Variants in RORA observed in about 807,000 individuals in gnomAD.
The protein encoded by RORA is nuclear receptor ROR-alpha.
RORA carries 7 observed loss-of-function variants against 69.5 expected under a neutral mutation model. The ratio of observed to expected loss-of-function variants is 0.10; its 90% confidence interval spans 0.06 to 0.19. RORA has a LOEUF of 0.19. Ranked by LOEUF, RORA falls within the 10% of genes least tolerant of loss-of-function variation. The probability of loss-of-function intolerance (pLI) is 1.00; values close to 1 mark genes in which losing one functional copy is unlikely to be tolerated. For missense variants in RORA, 457 were observed against 663.0 expected, an observed-to-expected ratio of 0.69 and a Z score of 3.41; for synonymous variants, 261 against 240.8, an observed-to-expected ratio of 1.08 and a Z score of -0.78.
intron 1 of RORA, among the ~76,000 whole-genome samples, chr15:61,175,535 T>C (rs12914754): frequency 0.51 from 72,752 of 143,178 alleles, 19,460 homozygotes; most frequent in Non-Finnish European, 0.6. Context: ...AGTGAGATCC[T>C]GTTTCTAAAA....
At chr15:60,630,884 C>CTTTTT (rs1596080115) in intron 2 of RORA, among the ~76,000 whole-genome samples, 1 of 70,202 alleles carries the variant, frequency 1.4e-5, no homozygotes, top group Non-Finnish European at 2.6e-5. Flanking sequence ...CAGGATGAGA[C>CTTTTT]TTTCTTTTTT....
At chr15:60,982,640 GGGTTGTTATTTCAA>G (rs1406439236) in intron 1 of RORA, among the ~76,000 whole-genome samples, 1 of 152,138 alleles carries the variant, frequency 6.6e-6, no homozygotes, top group Non-Finnish European at 1.5e-5. Context: ...CTGGGAATGT[GGGTTGTTATTTCAA>G]GGCTGCTGCT....
chr15:60,827,193 A>C (rs1443856528), intron 1 of RORA, among the ~76,000 whole-genome samples: 1 of 152,200 alleles, frequency 6.6e-6, no homozygotes, highest in Non-Finnish European at 1.5e-5. Context: ...TATGGGGAGA[A>C]ATTCTTTTTT....
intron 1 of RORA, among the ~76,000 whole-genome samples, chr15:61,115,680 C>T (rs1460723655): frequency 6.6e-6 from 1 of 152,150 alleles, no homozygotes; most frequent in Non-Finnish European, 1.5e-5. Context: ...GGGACTCAAG[C>T]TGTCTCCAAA....
intron 1 of RORA, among the ~76,000 whole-genome samples, chr15:61,120,700 CAA>C (rs527369711): frequency 2.6e-4 from 14 of 54,378 alleles, no homozygotes; most frequent in Admixed American, 6.0e-4. Context: ...GACTCTGTCT[CAA>C]AAAAAAAAAA....
intron 2 of RORA, among the ~76,000 whole-genome samples, chr15:60,667,203 GT>G: frequency 6.6e-6 from 1 of 152,258 alleles, no homozygotes; most frequent in East Asian, 1.9e-4. Context: ...CCCTCTTACT[GT>G]TGGTGTTCTG....
intron 1 of RORA, among the ~76,000 whole-genome samples, chr15:61,132,247 A>G (rs989359820): frequency 6.6e-6 from 1 of 152,200 alleles, no homozygotes; most frequent in African/African-American, 2.4e-5. Flanking sequence ...ATTAAATGCT[A>G]GCATATATAC....
intron 1 of RORA, among the ~76,000 whole-genome samples, chr15:60,825,390 A>T (rs1195811490): frequency 6.6e-6 from 1 of 152,260 alleles, no homozygotes; most frequent in Non-Finnish European, 1.5e-5. Flanking sequence ...TCACTGTGAC[A>T]TTAATAACTA....
chr15:60,577,154 T>C (rs181117436), intron 2 of RORA, among the ~76,000 whole-genome samples: 4 of 152,358 alleles, frequency 2.6e-5, no homozygotes. Flanking sequence ...ATTACAAAAT[T>C]TGCTCTTGAA....
intron 1 of RORA, among the ~76,000 whole-genome samples, chr15:60,820,166 G>T (rs984812150): frequency 6.6e-6 from 1 of 152,262 alleles, no homozygotes; most frequent in African/African-American, 2.4e-5. Context: ...TCAGGACGCT[G>T]CACTCCACCT....
Position 60,531,467 on chromosome 15 carries a change from T to C in RORA, c.282+299A>G. On this transcript the variant is annotated intron_variant, in intron 3 of 10. Transcript: ENST00000335670. This position sits in a 1 kb window ranked among gnomAD's most constrained non-coding sequence, Gnocchi z 4.8. ...GACATTGTAGAAGTCTGGAGTTAGCTCTTTTTTAAAAAAGATTGCCACAGA... is the reference window on the plus strand; with the variant it reads ...GACATTGTAGAAGTCTGGAGTTAGCCCTTTTTTAAAAAAGATTGCCACAGA... 3.4e-6 allele frequency: 1 copy of C among 293,668 alleles called. No homozygotes were observed. The highest frequency in any genetic ancestry group is 6.2e-6 in the Non-Finnish European group (1 of 161,792). The allele number at this position is 293,668 out of a possible 1,614,324, so 18.2% of individuals were successfully genotyped here.
At chr15:60,598,485 A>G (rs1004675984) in intron 2 of RORA, 2 of 152,240 alleles carry the variant, frequency 1.3e-5, no homozygotes, top group Non-Finnish European at 2.9e-5. Flanking sequence ...GAAGACCTTT[A>G]TGACAATCCA....
At chr15:60,952,139 C>T (rs1221125858) in intron 1 of RORA, among the ~76,000 whole-genome samples, 17 of 150,888 alleles carry the variant, frequency 1.1e-4, no homozygotes, top group South Asian at 4.2e-4. Context: ...GTTCAATATA[C>T]GCAAATCAAT....
intron 1 of RORA, among the ~76,000 whole-genome samples, chr15:60,943,240 G>C (rs935324003): frequency 6.6e-6 from 1 of 152,126 alleles, no homozygotes; most frequent in Non-Finnish European, 1.5e-5. Context: ...AGACTGCCAG[G>C]TTCTGCAGGA....
intron 1 of RORA, among the ~76,000 whole-genome samples, chr15:60,962,812 CT>C (rs2140344436): frequency 6.6e-6 from 1 of 152,298 alleles, no homozygotes; most frequent in East Asian, 1.9e-4. Flanking sequence ...AAACACAAGC[CT>C]TGCTCAGAAG....
Position 60,768,149 on chromosome 15 carries a change from C to T in RORA, c.167-89463G>A, listed in dbSNP as rs1234953548. ...TTCTCATCCCCCATCATGACACCCTCGCTTATCCTCCAAACTTTTTGCTTA... is the reference window on the plus strand; with the variant it reads ...TTCTCATCCCCCATCATGACACCCTTGCTTATCCTCCAAACTTTTTGCTTA... On this transcript the variant is annotated intron_variant, in intron 1 of 10. Coordinates refer to ENST00000335670, the MANE Select transcript of RORA (RefSeq NM_134261.3). Among the ~76,000 whole-genome samples the T allele has an allele frequency of 2.6e-5, 4 of 152,356 alleles. No homozygotes were observed. The East Asian group carries it at 5.8e-4, about 22-fold the overall frequency.
Position 60,586,769 on chromosome 15 carries a change from G to C in RORA, c.197-54918C>G, listed in dbSNP as rs141360624. On this transcript the variant is annotated intron_variant, in intron 2 of 10. Coordinates refer to ENST00000335670, the MANE Select transcript of RORA (RefSeq NM_134261.3). ...ATCCCAGTGAGACATTCATCTGAGT[G>C]ACTTTAAAGGTTTCGTCTGAGACTG... Among the ~76,000 whole-genome samples the C allele has an allele frequency of 3.8e-3, 585 of 152,236 alleles. 2 individuals carry two copies. Among genetic ancestry groups the C allele is most frequent in the African/African-American group, 0.013 (551 of 41,538 alleles).
intron 1 of RORA, among the ~76,000 whole-genome samples, chr15:60,790,408 G>A (rs2072398521): frequency 1.3e-5 from 2 of 152,236 alleles, no homozygotes; most frequent in South Asian, 4.1e-4. Flanking sequence ...TTAATTGGGT[G>A]AGCGCTGATG....
chr15:61,007,404 T>TA (rs1243103092), intron 1 of RORA, among the ~76,000 whole-genome samples: 1 of 152,070 alleles, frequency 6.6e-6, no homozygotes, highest in African/African-American at 2.4e-5. Flanking sequence ...CATCCATAGG[T>TA]AAAAAAACTA....
Sources: gnomAD v4.1 joint callset for allele counts (sites outside exome capture counted in the v4.1 genomes callset) on GRCh38, gnomAD v4.1.1 for gene constraint, Gnocchi (gnomAD v3.1) non-coding constraint, MANE v1.5 for transcripts, NCBI Gene and HGNC (gene_info 2026-07-23, HGNC 2026-07-21) for gene names.